PLEKHH2: variants seen among roughly 807,000 people sequenced by gnomAD.
PLEKHH2 encodes pleckstrin homology domain-containing family H member 2.
In PLEKHH2, 129 loss-of-function variants were observed where a neutral mutation model predicts 187.9. The ratio of observed to expected loss-of-function variants is 0.69; its 90% CI spans 0.59 to 0.79. PLEKHH2 has a LOEUF of 0.79. Among genes scored for constraint, PLEKHH2 ranks in the 30% least tolerant of loss-of-function variants. PLEKHH2 has a pLI of 0.00. For synonymous variants in PLEKHH2, 686 were observed against 605.6 expected, an observed-to-expected ratio of 1.13 and a Z score of -1.95; for missense variants, 2,076 against 1,751.2, an observed-to-expected ratio of 1.19 and a Z score of -3.31.
chr2:43,719,476 G>T (rs148018604), intron 15 of PLEKHH2, among the ~76,000 whole-genome samples: 29 of 152,290 alleles, frequency 1.9e-4, no homozygotes. Flanking sequence ...AGCCTGCTCT[G>T]TCGCCCAGGC....
At chr2:43,705,820 G>A (rs992436499) in intron 9 of PLEKHH2, among the ~76,000 whole-genome samples, 1 of 151,132 alleles carries the variant, frequency 6.6e-6, no homozygotes, top group African/African-American at 2.4e-5. Flanking sequence ...TGTTGCCCAG[G>A]TTGGTCTCAA....
chr2:43,751,430 C>A lies in PLEKHH2; in HGVS notation c.3654-2189C>A, dbSNP rs907526873. Among the ~76,000 whole-genome samples, 3 of 152,138 alleles carry A rather than the reference C, an allele frequency of 2.0e-5. No homozygotes were observed. In the East Asian group the frequency reaches 5.8e-4, roughly 29 times the overall value. ...TAAGTTTACAAGAGGATGGGAAGGG[C>A]AACAGTAGGAAATAAATGCTCTGAA... On this transcript the variant is annotated intron_variant, in intron 24 of 29. Transcript: ENST00000282406.
chr2:43,687,025 G>T (rs1432274954), intron 3 of PLEKHH2, among the ~76,000 whole-genome samples: 1 of 152,022 alleles, frequency 6.6e-6, no homozygotes, highest in African/African-American at 2.4e-5. Flanking sequence ...GACTCAGAGG[G>T]TACATGTGCA....
chr2:43,693,931 A>G (rs1441767645), intron 4 of PLEKHH2, among the ~76,000 whole-genome samples: 4 of 152,064 alleles, frequency 2.6e-5, no homozygotes, highest in Admixed American at 1.3e-4. Flanking sequence ...GACCCTGCCT[A>G]TTGCGATTTA....
chr2:43,751,912 T>TTC lies in PLEKHH2; in HGVS notation c.3654-1693_3654-1692dup, dbSNP rs1225988506. On this transcript the variant is annotated intron_variant, in intron 24 of 29. Coordinates refer to ENST00000282406, the MANE Select transcript of PLEKHH2 (RefSeq NM_172069.4). ...GCCCATGGTTCATGTCCAGTATTGT[T>TTC]TCTCTCTCTCTCTCTTTTTTTTTTT... Among the ~76,000 whole-genome samples the TTC allele has an allele frequency of 4.0e-5, 6 of 151,288 alleles. No homozygotes were observed. In the East Asian group the frequency reaches 5.8e-4, roughly 15 times the overall value.
At chr2:43,748,976 C>T (rs1671895221) in intron 24 of PLEKHH2, among the ~76,000 whole-genome samples, 2 of 152,196 alleles carry the variant, frequency 1.3e-5, no homozygotes, top group African/African-American at 4.8e-5. Flanking sequence ...AGGCTGGTAT[C>T]AAACTCCTGA....
chr2:43,767,471 C>T lies in PLEKHH2; in HGVS notation c.*1873C>T, dbSNP rs969619153. On this transcript the variant is annotated 3_prime_UTR_variant, in exon 30 of 30. Coordinates refer to ENST00000282406, the MANE Select transcript of PLEKHH2 (RefSeq NM_172069.4). ...ACTGTTTCCCCTACATCTTTTGAGC[C>T]ACAGTCGCCCATCGAATAAGCAAAT... is the stretch of plus-strand genomic sequence containing the variant. The T allele has an allele frequency of 2.6e-5, 4 of 151,904 alleles. No homozygotes were observed. Among genetic ancestry groups the T allele is most frequent in the Non-Finnish European group, 5.9e-5 (4 of 68,026 alleles). 9.4% of individuals were successfully genotyped at this position (151,904 alleles called of 1,614,324 possible). A position where few individuals can be genotyped will look rare whatever the true frequency, so the allele number is the denominator to read the frequency against.
Position 43,710,539 on chromosome 2 carries a change from T to C in PLEKHH2, c.2265T>C (p.Cys755=), listed in dbSNP as rs750543977. ...GCCATATTGAACTTAGTGCATCCTG[T>C]AGTATTTTAAGAGGAGATAACAAAC... The part of the protein sequence containing the change: ...PQGHIELSAS[C]SILRGDNKQT... Residue 755 remains cysteine, a synonymous_variant, in exon 14 of 30, where the codon TGT becomes TGC. Transcript: ENST00000282406. 1.3e-6 allele frequency: 2 copies of C among 1,598,370 alleles called. No homozygotes were observed. Among genetic ancestry groups the C allele is most frequent in the Non-Finnish European group, 8.5e-7 (1 of 1,176,468 alleles).
intron 19 of PLEKHH2, among the ~76,000 whole-genome samples, chr2:43,733,915 A>T (rs893017937): frequency 6.6e-6 from 1 of 152,196 alleles, no homozygotes; most frequent in African/African-American, 2.4e-5. Context: ...TATATTTGAA[A>T]ATCTAGATGA....
chr2:43,715,013 T>C (rs997583644), intron 15 of PLEKHH2, among the ~76,000 whole-genome samples: 9 of 152,004 alleles, frequency 5.9e-5, no homozygotes, highest in Non-Finnish European at 1.3e-4. Context: ...AGCAGTGGCT[T>C]ATGCCTGTAA....
At chr2:43,674,050 G>T (rs1045350672) in intron 2 of PLEKHH2, among the ~76,000 whole-genome samples, 1 of 152,086 alleles carries the variant, frequency 6.6e-6, no homozygotes, top group Non-Finnish European at 1.5e-5. Context: ...GGTACTTTAG[G>T]CATGACAGAG....
chr2:43,657,347 AC>A (rs1297332209), intron 2 of PLEKHH2, among the ~76,000 whole-genome samples: 1 of 151,958 alleles, frequency 6.6e-6, no homozygotes. Context: ...CCTTGATTTC[AC>A]TCACATATCT....
intron 20 of PLEKHH2, among the ~76,000 whole-genome samples, chr2:43,738,721 C>G (rs767015716): frequency 2.6e-5 from 4 of 152,078 alleles, no homozygotes; most frequent in Non-Finnish European, 4.4e-5. Flanking sequence ...TGTGTACACT[C>G]ACAGTTTTTT....
chr2:43,654,081 A>G (rs981089055), intron 2 of PLEKHH2, among the ~76,000 whole-genome samples: 2 of 152,262 alleles, frequency 1.3e-5, no homozygotes, highest in African/African-American at 4.8e-5. Flanking sequence ...AAAAAAGTCA[A>G]AAGAAACAGA....
intron 16 of PLEKHH2, 78 bp downstream of exon 16, chr2:43,720,827 T>C: frequency 6.6e-7 from 1 of 1,506,672 alleles, no homozygotes; most frequent in Non-Finnish European, 8.8e-7. Context: ...TTCTCTCTTC[T>C]CTTACTTTGT....
intron 24 of PLEKHH2, among the ~76,000 whole-genome samples, chr2:43,749,767 G>T (rs1671932914): frequency 6.6e-6 from 1 of 152,234 alleles, no homozygotes; most frequent in Admixed American, 6.5e-5. Flanking sequence ...TAGTGATACA[G>T]TTAGGAGGGA....
chr2:43,675,249 T>C (rs1292482773), intron 2 of PLEKHH2: 1 of 559,104 alleles, frequency 1.8e-6, no homozygotes, highest in Non-Finnish European at 3.0e-6. Flanking sequence ...TACATCTTCA[T>C]ACTGTTTTCT....
intron 17 of PLEKHH2, among the ~76,000 whole-genome samples, chr2:43,727,564 G>A (rs1476963564): frequency 2.6e-5 from 4 of 151,974 alleles, no homozygotes; most frequent in African/African-American, 9.7e-5. Context: ...ATATTTCATG[G>A]ATGGCTACTG....
At chr2:43,690,655 T>C (rs1668746960) in intron 3 of PLEKHH2, among the ~76,000 whole-genome samples, 1 of 152,236 alleles carries the variant, frequency 6.6e-6, no homozygotes, top group Non-Finnish European at 1.5e-5. Flanking sequence ...TTATTTTTTC[T>C]CTTTGCCTCT....
Sources: allele counts gnomAD v4.1 joint callset (sites outside exome capture counted in the v4.1 genomes callset), GRCh38; gene constraint gnomAD v4.1.1; transcripts MANE v1.5; gene names NCBI Gene and HGNC (gene_info 2026-07-23, HGNC 2026-07-21).